THSD7A: variants seen among roughly 807,000 people sequenced by gnomAD.
THSD7A encodes thrombospondin type 1 domain containing 7A.
Under a neutral mutation model 231.3 loss-of-function variants are expected in THSD7A, and 96 were observed. The ratio of observed to expected loss-of-function variants is 0.41; its 90% CI spans 0.35 to 0.49. The LOEUF is 0.49. Ranked by LOEUF, THSD7A falls within the 20% of genes least tolerant of loss-of-function variation. The pLI is 0.05. For missense variants in THSD7A, 2,290 were observed against 2,070.2 expected, an observed-to-expected ratio of 1.11 and a Z score of -2.06; for synonymous variants, 940 against 743.3, an observed-to-expected ratio of 1.26 and a Z score of -4.30.
intron 1 of THSD7A, among the ~76,000 whole-genome samples, chr7:11,709,809 G>C (rs1188848212): frequency 6.6e-6 from 1 of 150,768 alleles, no homozygotes; most frequent in Non-Finnish European, 1.5e-5. Context: ...TGTTTGTCAA[G>C]AAATGTAGAA....
At chr7:11,727,797 G>T (rs1781598951) in intron 1 of THSD7A, among the ~76,000 whole-genome samples, 1 of 151,882 alleles carries the variant, frequency 6.6e-6, no homozygotes, top group Non-Finnish European at 1.5e-5. Context: ...ATTTCTCTGA[G>T]GATACACCCA....
chr7:11,733,867 T>C (rs1211671083), intron 1 of THSD7A, among the ~76,000 whole-genome samples: 1 of 151,930 alleles, frequency 6.6e-6, no homozygotes, highest in African/African-American at 2.4e-5. Flanking sequence ...TTATACATTG[T>C]TAATGACACT....
chr7:11,699,908 T>C (rs1780531520), intron 1 of THSD7A, among the ~76,000 whole-genome samples: 1 of 151,254 alleles, frequency 6.6e-6, no homozygotes, highest in African/African-American at 2.4e-5. Flanking sequence ...GGTTTCTCTG[T>C]CCCAGTACGT....
chr7:11,532,494 A>G (rs999233183), intron 6 of THSD7A, among the ~76,000 whole-genome samples: 8 of 152,178 alleles, frequency 5.3e-5, no homozygotes, highest in Non-Finnish European at 1.2e-4. Flanking sequence ...ATATTAAATA[A>G]TAAATTAAAT....
intron 1 of THSD7A, among the ~76,000 whole-genome samples, chr7:11,744,013 G>C (rs1467495017): frequency 2.0e-5 from 3 of 151,876 alleles, no homozygotes; most frequent in Non-Finnish European, 4.4e-5. Context: ...AGACTAGACT[G>C]ACAGTCTTCT....
Position 11,474,266 on chromosome 7 carries a change from G to A in THSD7A, c.2252+68C>T. 2 of 1,329,912 alleles carry A rather than the reference G, an allele frequency of 1.5e-6. No homozygotes were observed. The highest frequency in any genetic ancestry group is 1.4e-5 in the South Asian group (1 of 70,072). 82.4% of individuals were successfully genotyped at this position (1,329,912 alleles called of 1,614,324 possible). ...CAAAATGTTCCATTTCATGAAGCCAGTGAAGCCTGAGCCAATCCTCTGCAC... is the reference window on the plus strand; with the variant it reads ...CAAAATGTTCCATTTCATGAAGCCAATGAAGCCTGAGCCAATCCTCTGCAC... On this transcript the variant is annotated intron_variant, in intron 8 of 27. Coordinates refer to ENST00000423059, the MANE Select transcript of THSD7A (RefSeq NM_015204.3). The surrounding 1 kb of genome is among the most constrained non-coding windows in gnomAD (Gnocchi z 4.1).
At chr7:11,708,912 A>G (rs568001871) in intron 1 of THSD7A, among the ~76,000 whole-genome samples, 4 of 150,952 alleles carry the variant, frequency 2.6e-5, no homozygotes, top group Admixed American at 6.6e-5. Flanking sequence ...AGGCATATCA[A>G]CATAGGAAAT....
intron 1 of THSD7A, among the ~76,000 whole-genome samples, chr7:11,782,010 C>G (rs1475114459): frequency 6.6e-6 from 1 of 152,072 alleles, no homozygotes; most frequent in African/African-American, 2.4e-5. Context: ...TACCCCTCCC[C>G]CTAAGTCATA....
At chr7:11,698,188 A>G (rs750604059) in intron 1 of THSD7A, among the ~76,000 whole-genome samples, 33 of 151,556 alleles carry the variant, frequency 2.2e-4, no homozygotes, top group Middle Eastern at 3.4e-3. Context: ...AAATAGTTTC[A>G]TAAAAATTTA....
intron 9 of THSD7A, among the ~76,000 whole-genome samples, chr7:11,466,381 T>A (rs2240048): frequency 0.4 from 61,158 of 151,914 alleles, 12,516 homozygotes; most frequent in Middle Eastern, 0.55. Context: ...CCTCATGCCA[T>A]TTACTTTATT....
intron 4 of THSD7A, among the ~76,000 whole-genome samples, chr7:11,566,161 C>G (rs1459326861): frequency 6.6e-6 from 1 of 152,186 alleles, no homozygotes; most frequent in Non-Finnish European, 1.5e-5. Context: ...AGAAAAATAT[C>G]ATTATGCAGC....
chr7:11,821,103 G>C (rs1376046202), intron 1 of THSD7A: 4 of 1,051,036 alleles, frequency 3.8e-6, no homozygotes, highest in Non-Finnish European at 5.9e-6. Context: ...CCTGTAACTT[G>C]TTTTTGGCTG....
chr7:11,374,248 T>G lies in THSD7A; in HGVS notation c.*1546A>C, dbSNP rs1296778438. 6.6e-6 allele frequency: 1 copy of G among 152,140 alleles called. No individual in the cohort carries two copies. The highest frequency in any genetic ancestry group is 1.5e-5 in the Non-Finnish European group (1 of 67,994). The allele number at this position is 152,140 out of a possible 1,614,324, so 9.4% of individuals were successfully genotyped here. On this transcript the variant is annotated 3_prime_UTR_variant, in exon 28 of 28. Transcript: ENST00000423059. ...ATTTACTAAGATTGCATTAGCAGAA[T>G]GGCAAAGTTGAGAAGTTGCAACATA...
intron 1 of THSD7A, among the ~76,000 whole-genome samples, chr7:11,667,398 C>T (rs1279314848): frequency 6.6e-6 from 1 of 152,118 alleles, no homozygotes; most frequent in African/African-American, 2.4e-5. Flanking sequence ...TTGCCTCAAC[C>T]TACAACACGA....
intron 1 of THSD7A, among the ~76,000 whole-genome samples, chr7:11,726,095 T>C (rs1781535362): frequency 6.6e-6 from 1 of 152,036 alleles, no homozygotes. Context: ...AACAAGATGA[T>C]GTAAAATAGT....
intron 13 of THSD7A, among the ~76,000 whole-genome samples, chr7:11,441,408 A>G (rs1222221525): frequency 6.6e-6 from 1 of 152,048 alleles, no homozygotes; most frequent in Non-Finnish European, 1.5e-5. Context: ...TGTACCTTGC[A>G]TAAGCTGGGC....
intron 2 of THSD7A, among the ~76,000 whole-genome samples, chr7:11,607,010 TA>T (rs1235232582): frequency 3.3e-5 from 5 of 151,178 alleles, no homozygotes; most frequent in Admixed American, 1.3e-4. Flanking sequence ...AGTATAATAA[TA>T]AAAAAATATA....
intron 6 of THSD7A, among the ~76,000 whole-genome samples, chr7:11,519,622 T>C (rs140754757): frequency 1.8e-4 from 28 of 152,328 alleles, no homozygotes; most frequent in African/African-American, 6.5e-4. Context: ...TGGTTTTAAC[T>C]GGCATTTCTC....
intron 19 of THSD7A, chr7:11,410,466 T>C (rs1029812469): frequency 6.6e-6 from 1 of 152,228 alleles, no homozygotes; most frequent in Admixed American, 6.5e-5. Context: ...CTCCTACTTA[T>C]CTTGGTTGGT....
Sources: allele counts gnomAD v4.1 joint callset (sites outside exome capture counted in the v4.1 genomes callset), GRCh38; gene constraint gnomAD v4.1.1; non-coding constraint Gnocchi (gnomAD v3.1); transcripts MANE v1.5; gene names NCBI Gene and HGNC (gene_info 2026-07-23, HGNC 2026-07-21).